ATOX1: variants seen among roughly 807,000 people sequenced by gnomAD.
ATOX1 encodes the protein antioxidant 1 copper chaperone.
ATOX1 carries 4 observed loss-of-function variants against 7.3 expected under a neutral mutation model. That is an observed-to-expected ratio of 0.55 (90% CI 0.27 to 1.25). ATOX1 has a LOEUF of 1.25. Among genes scored for constraint, ATOX1 ranks in the 50% most tolerant of loss-of-function variants. The probability of loss-of-function intolerance (pLI) is 0.12; values close to 1 mark genes in which losing one functional copy is unlikely to be tolerated. For missense variants in ATOX1, 68 were observed against 81.6 expected, an observed-to-expected ratio of 0.83 and a Z score of 0.64; for synonymous variants, 25 against 28.7, an observed-to-expected ratio of 0.87 and a Z score of 0.41.
At chr5:151,751,485 G>A (rs933042102) in intron 2 of ATOX1, among the ~76,000 whole-genome samples, 1 of 151,990 alleles carries the variant, frequency 6.6e-6, no homozygotes, top group Admixed American at 6.6e-5. Flanking sequence ...TTAACATGGA[G>A]CTAGTAAAAA....
intron 1 of ATOX1, among the ~76,000 whole-genome samples, chr5:151,753,579 G>T (rs909723528): frequency 6.6e-6 from 1 of 152,156 alleles, no homozygotes; most frequent in African/African-American, 2.4e-5. Context: ...TATCTTGCTA[G>T]AAAACCACAG....
rs773736280 is a variant in ATOX1, at chr5:151,751,717, G to A, written c.69C>T (p.Leu23=). The A allele has an allele frequency of 6.2e-7, 1 of 1,606,960 alleles. No individual in the cohort carries two copies. The highest frequency in any genetic ancestry group is 1.1e-5 in the South Asian group (1 of 89,162). Reference sequence around the variant, plus strand: ...CCACTCACTCACCTCCAAGCTTATTGAGGACCCGAGAGACAGCTTCAGCAC... The same window carrying A: ...CCACTCACTCACCTCCAAGCTTATTAAGGACCCGAGAGACAGCTTCAGCAC... The part of the protein sequence containing the change: ...GGCAEAVSRV[L]NKLGGVKYDI... Residue 23 remains leucine, a synonymous_variant, in exon 2 of 4, where the codon CTC becomes CTT. Coordinates refer to ENST00000313115, the MANE Select transcript of ATOX1 (RefSeq NM_004045.4).
At chr5:151,751,028 G>A (rs1039183897) in intron 2 of ATOX1, among the ~76,000 whole-genome samples, 6 of 151,850 alleles carry the variant, frequency 4.0e-5, no homozygotes, top group African/African-American at 1.2e-4. Flanking sequence ...AGGCCGAGGC[G>A]GGCAGATCAC....
intron 3 of ATOX1, chr5:151,745,440 G>C (rs1251301599): frequency 6.6e-6 from 1 of 152,170 alleles, no homozygotes; most frequent in Non-Finnish European, 1.5e-5. Context: ...TAATTCACGA[G>C]TCAAATGCAC....
chr5:151,747,580 C>T (rs1230400141), intron 2 of ATOX1, among the ~76,000 whole-genome samples: 5 of 146,586 alleles, frequency 3.4e-5, no homozygotes, highest in South Asian at 2.2e-4. Context: ...CCACTGCACC[C>T]GGTCCATTCT....
intron 2 of ATOX1, among the ~76,000 whole-genome samples, chr5:151,748,667 G>A (rs1386420768): frequency 6.6e-6 from 1 of 152,108 alleles, no homozygotes; most frequent in Non-Finnish European, 1.5e-5. Context: ...TTCAAGACCA[G>A]CCTGGCTAAC....
intron 3 of ATOX1, chr5:151,745,926 C>A: frequency 5.7e-6 from 1 of 175,346 alleles, no homozygotes; most frequent in Non-Finnish European, 1.2e-5. Context: ...TAGTGAAACA[C>A]TGTCTCAAAC....
rs371549947 is a variant in ATOX1, at chr5:151,751,699, C to T, written c.82+5G>A. ...AGTGCACCCAACTCAGGGCCACTCA[C>T]TCACCTCCAAGCTTATTGAGGACCC... On this transcript the variant is annotated splice_donor_5th_base_variant and intron_variant, in intron 2 of 3. Transcript: ENST00000313115. 5.2e-4 allele frequency: 829 copies of T among 1,601,946 alleles called. 3 individuals carry two copies. The highest frequency in any genetic ancestry group is 6.9e-4 in the Non-Finnish European group (808 of 1,174,460).
At chr5:151,749,074 GA>G (rs1445709314) in intron 2 of ATOX1, among the ~76,000 whole-genome samples, 1 of 152,154 alleles carries the variant, frequency 6.6e-6, no homozygotes, top group Non-Finnish European at 1.5e-5. Flanking sequence ...CTCCAGCCTG[GA>G]TGAAGTTCCT....
intron 1 of ATOX1, chr5:151,752,536 T>A: frequency 1.7e-6 from 1 of 598,148 alleles, no homozygotes; most frequent in Non-Finnish European, 3.0e-6. Context: ...GGATTCCTAA[T>A]ACTTGGAACA....
At chr5:151,751,814 C>T (rs924172111) in intron 1 of ATOX1, 35 bp from the exon 2 acceptor site, 24 of 1,575,520 alleles carry the variant, frequency 1.5e-5, no homozygotes, top group Non-Finnish European at 2.1e-5. Context: ...GACCCGAGCC[C>T]TGTAGAGTGA....
chr5:151,752,449 A>T (rs1761964887), intron 1 of ATOX1: 1 of 689,300 alleles, frequency 1.5e-6, no homozygotes, highest in African/African-American at 1.8e-5. Context: ...TACATTCTAC[A>T]GTCTCTAGGA....
chr5:151,751,862 C>A, intron 1 of ATOX1, 83 bp from the exon 2 acceptor site: 2 of 1,394,602 alleles, frequency 1.4e-6, no homozygotes, highest in South Asian at 2.5e-5. Context: ...CACTCAGGGT[C>A]AAGACAGAAG....
At chr5:151,749,174 C>T (rs1443909597) in intron 2 of ATOX1, among the ~76,000 whole-genome samples, 2 of 152,100 alleles carry the variant, frequency 1.3e-5, no homozygotes, top group Admixed American at 1.3e-4. Context: ...TGAGGAGCTC[C>T]TGTACAGTTT....
intron 3 of ATOX1, chr5:151,744,484 G>A (rs1178792235): frequency 6.6e-6 from 1 of 152,136 alleles, no homozygotes; most frequent in Admixed American, 6.5e-5. Flanking sequence ...TGTTTTCTAT[G>A]AGAAAAACAC....
At chr5:151,756,428 CTTCTT>C (rs1049838935) in intron 1 of ATOX1, among the ~76,000 whole-genome samples, 16 of 150,558 alleles carry the variant, frequency 1.1e-4, no homozygotes, top group Non-Finnish European at 1.9e-4. Flanking sequence ...CTTCTCTTCT[CTTCTT>C]TCTTTCTTTC....
At chr5:151,751,974 A>G (rs1248235002) in intron 1 of ATOX1, 195 bp from the exon 2 acceptor site, 1 of 606,100 alleles carries the variant, frequency 1.6e-6, no homozygotes, top group Non-Finnish European at 2.9e-6. Context: ...TCTACCTCAC[A>G]AGTTGTATTC....
intron 2 of ATOX1, among the ~76,000 whole-genome samples, chr5:151,751,341 A>G (rs1761946445): frequency 6.6e-6 from 1 of 151,978 alleles, no homozygotes; most frequent in Non-Finnish European, 1.5e-5. Context: ...CCAACATATG[A>G]ACTAGTACTG....
intron 2 of ATOX1, chr5:151,746,658 AT>A (rs998129497): frequency 1.9e-4 from 97 of 522,088 alleles, no homozygotes; most frequent in Middle Eastern, 1.6e-3. Flanking sequence ...TATTCTGTGT[AT>A]TTTTTTTATA....
Sources: gnomAD v4.1 joint callset for allele counts (sites outside exome capture counted in the v4.1 genomes callset) on GRCh38, gnomAD v4.1.1 for gene constraint, MANE v1.5 for transcripts, NCBI Gene and HGNC (gene_info 2026-07-23, HGNC 2026-07-21) for gene names.